The following PTPRT variants were observed in gnomAD, a reference collection of about 807,000 sequenced individuals.
The protein encoded by PTPRT is protein tyrosine phosphatase receptor type T, also known as receptor-type tyrosine-protein phosphatase T.
PTPRT carries 56 observed loss-of-function variants against 176.8 expected under a neutral mutation model. The observed-to-expected ratio is 0.32, with a 90% CI of 0.26 to 0.40. PTPRT has a LOEUF of 0.40. Among genes scored for constraint, PTPRT ranks in the 10% least tolerant of loss-of-function variants. PTPRT has a pLI of 1.00. For synonymous variants in PTPRT, 783 were observed against 739.0 expected (o/e 1.06, Z -0.96); for missense variants, 1,540 against 1,908.2 (o/e 0.81, Z 3.60).
chr20:42,315,831 C>A lies in PTPRT; in HGVS notation c.2031G>T (p.Gln677His). The change falls in exon 12 of 31, where the codon CAG becomes CAT. Residue 677 changes from glutamine (Q) to histidine (H), a missense_variant. Physicochemically the swap from Gln to His is conservative, Grantham distance 24. This residue lies in a region of PTPRT where 81 missense variants were observed against 89.9 expected (regional missense o/e 0.90). Coordinates refer to ENST00000373187, the MANE Select transcript of PTPRT (RefSeq NM_007050.6). ...TCTTATTGTCACCCACTGTAAATGG[C>A]TGGGTGACAGGCAGGTTGGCAGGCT... is the stretch of plus-strand genomic sequence containing the variant. ...ELKPANLPVT[Q>H]PFTVGDNKTY... 1 of 1,614,092 alleles carries A rather than the reference C, an allele frequency of 6.2e-7. No homozygotes were observed. The highest frequency in any genetic ancestry group is 8.5e-7 in the Non-Finnish European group (1 of 1,179,974).
chr20:42,824,147 G>A (rs1016193919), intron 2 of PTPRT, among the ~76,000 whole-genome samples: 6 of 152,184 alleles, frequency 3.9e-5, no homozygotes, highest in African/African-American at 1.4e-4. Context: ...TACAGGTAAC[G>A]ATTCTGAGTC....
At chr20:42,403,636 A>G (rs2058932197) in intron 9 of PTPRT, among the ~76,000 whole-genome samples, 1 of 152,158 alleles carries the variant, frequency 6.6e-6, no homozygotes, top group South Asian at 2.1e-4. Flanking sequence ...GCATCATAAT[A>G]CCTTGGGCAA....
chr20:42,708,734 T>C (rs1177097542), intron 6 of PTPRT, among the ~76,000 whole-genome samples: 1 of 152,246 alleles, frequency 6.6e-6, no homozygotes, highest in Non-Finnish European at 1.5e-5. Context: ...AAAGACATTA[T>C]GAATGTATTA....
chr20:42,316,088 GTGGA>G, intron 11 of PTPRT, 92 bp from the exon 12 acceptor site: 1 of 1,407,632 alleles, frequency 7.1e-7, no homozygotes, highest in East Asian at 2.3e-5. Flanking sequence ...CTTCTCCTAT[GTGGA>G]AGCATTGGTT....
chr20:42,067,933 G>A (rs1210226386), downstream of PTPRT, among the ~76,000 whole-genome samples: 1 of 152,194 alleles, frequency 6.6e-6, no homozygotes, highest in Non-Finnish European at 1.5e-5. Context: ...AATGAGAATA[G>A]GAGTTGTAAG....
chr20:42,296,918 A>T lies in PTPRT; in HGVS notation c.2140-14393T>A, dbSNP rs181384801. Among the ~76,000 whole-genome samples, 479 of 152,294 alleles carry T rather than the reference A, an allele frequency of 3.1e-3. 6 individuals carry two copies. Among genetic ancestry groups the T allele is most frequent in the African/African-American group, 0.01 (421 of 41,568 alleles). On this transcript the variant is annotated intron_variant, in intron 12 of 30. Transcript: ENST00000373187. ...TTTCATATCACATGCCTGTATCAAA[A>T]TGTCTCATTTACCCCATAAACAAAG...
Position 42,806,610 on chromosome 20 carries a change from T to C in PTPRT, c.215-15144A>G, listed in dbSNP as rs190750680. ...TCCATAAAGGGCCAGAGAGTCAATA[T>C]TTTAGGCTTAGCAGGCCGAAAAGTT... On this transcript the variant is annotated intron_variant, in intron 2 of 30. Transcript: ENST00000373187. Among the ~76,000 whole-genome samples the C allele has an allele frequency of 1.1e-4, 16 of 152,224 alleles. 1 individual carries two copies. Among genetic ancestry groups the C allele is most frequent in the Admixed American group, 1.0e-3 (16 of 15,284 alleles).
At chr20:42,813,294 T>A (rs1600776049) in intron 2 of PTPRT, among the ~76,000 whole-genome samples, 1 of 152,152 alleles carries the variant, frequency 6.6e-6, no homozygotes, top group East Asian at 1.9e-4. Context: ...GTGAATAATT[T>A]ACCTCTGTTT....
chr20:42,838,974 G>A (rs1452547752), intron 2 of PTPRT, among the ~76,000 whole-genome samples: 1 of 152,054 alleles, frequency 6.6e-6, no homozygotes, highest in African/African-American at 2.4e-5. Flanking sequence ...CCAGGAAACA[G>A]GACTCATGTA....
At chr20:42,913,918 G>A (rs1978559856) in intron 1 of PTPRT, among the ~76,000 whole-genome samples, 1 of 151,978 alleles carries the variant, frequency 6.6e-6, no homozygotes. Flanking sequence ...TCATCATATG[G>A]TTTTCTATTT....
intron 9 of PTPRT, among the ~76,000 whole-genome samples, chr20:42,433,763 G>C (rs2059236899): frequency 6.6e-6 from 1 of 152,174 alleles, no homozygotes; most frequent in Admixed American, 6.5e-5. Context: ...AACATAGTGA[G>C]CTATTATTTA....
chr20:42,843,787 T>C (rs1303095866), intron 2 of PTPRT, among the ~76,000 whole-genome samples: 1 of 152,216 alleles, frequency 6.6e-6, no homozygotes, highest in Admixed American at 6.5e-5. Context: ...CACATTCTAA[T>C]GAGAGGGAAT....
intron 14 of PTPRT, 143 bp downstream of exon 14, chr20:42,248,540 ACAGC>A: frequency 3.5e-6 from 4 of 1,128,156 alleles, no homozygotes; most frequent in Non-Finnish European, 5.0e-6. Context: ...ACAATGAACC[ACAGC>A]CGGCCCATGT....
At chr20:42,698,773 C>T (rs764336264) in intron 6 of PTPRT, among the ~76,000 whole-genome samples, 5 of 152,070 alleles carry the variant, frequency 3.3e-5, no homozygotes, top group Non-Finnish European at 1.5e-5. Context: ...ATTCCCCAAC[C>T]GCCCGGGTCT....
At chr20:42,649,263 T>TA (rs2145963487) in intron 7 of PTPRT, among the ~76,000 whole-genome samples, 1 of 152,220 alleles carries the variant, frequency 6.6e-6, no homozygotes, top group African/African-American at 2.4e-5. Context: ...CTCCTTTTTA[T>TA]AAAACCATCA....
At chr20:43,035,928 A>G (rs1174288178) in intron 1 of PTPRT, among the ~76,000 whole-genome samples, 3 of 152,204 alleles carry the variant, frequency 2.0e-5, no homozygotes, top group African/African-American at 7.2e-5. Flanking sequence ...TGAGGATGGA[A>G]AGGAGTTTGC....
chr20:42,320,884 G>A (rs879555354), intron 11 of PTPRT, among the ~76,000 whole-genome samples: 39 of 152,132 alleles, frequency 2.6e-4, no homozygotes, highest in Admixed American at 2.2e-3. Context: ...CAGACAAGGC[G>A]GCTCTGGCAT....
At chr20:43,026,299 G>A (rs1014394928) in intron 1 of PTPRT, among the ~76,000 whole-genome samples, 3 of 152,032 alleles carry the variant, frequency 2.0e-5, no homozygotes, top group Non-Finnish European at 4.4e-5. Flanking sequence ...TGCATTTTTA[G>A]TAGAGACAGG....
Position 42,791,289 on chromosome 20 carries a change from T to TG in PTPRT, c.391dup (p.Gln131ProfsTer14), listed in dbSNP as rs2077371050. 1 of 1,614,152 alleles carries TG rather than the reference T, an allele frequency of 6.2e-7. No homozygotes were observed. Among genetic ancestry groups the TG allele is most frequent in the Non-Finnish European group, 8.5e-7 (1 of 1,179,996 alleles). ...GGACACATTCCACACAGGGTTCCCT[T>TG]GGGGGCCACCATTCACCTTCACGTA... On this transcript the variant is annotated frameshift_variant, in exon 3 of 31. Coordinates refer to ENST00000373187, the MANE Select transcript of PTPRT (RefSeq NM_007050.6). LOFTEE classifies it high-confidence loss of function.
Sources: gnomAD v4.1 joint callset for allele counts (sites outside exome capture counted in the v4.1 genomes callset) on GRCh38, gnomAD v4.1.1 for gene constraint, gnomAD v4.1.1 regional missense constraint, MANE v1.5 for transcripts, NCBI Gene and HGNC (gene_info 2026-07-23, HGNC 2026-07-21) for gene names.